Variants in ZFPM1 observed in about 807,000 individuals in gnomAD.
ZFPM1 encodes the protein zinc finger protein, FOG family member 1, also known as zinc finger protein ZFPM1.
ZFPM1 carries 28 observed loss-of-function variants against 46.3 expected under a neutral mutation model. The observed-to-expected ratio is 0.60, with a 90% CI of 0.45 to 0.83. The LOEUF (loss-of-function observed/expected upper bound fraction) is 0.83, where lower values mean the gene tolerates loss of function less well. ZFPM1 is among the 40% of genes least tolerant of loss of function. The probability of loss-of-function intolerance (pLI) is 0.00; values close to 1 mark genes in which losing one functional copy is unlikely to be tolerated. For missense variants in ZFPM1, 1,878 were observed against 1,432.4 expected (o/e 1.31, Z -5.02); for synonymous variants, 957 against 675.9 (o/e 1.42, Z -6.45).
At chr16:88,523,905 A>C (rs1912101626) in intron 4 of ZFPM1, among the ~76,000 whole-genome samples, 1 of 151,986 alleles carries the variant, frequency 6.6e-6, no homozygotes, top group Non-Finnish European at 1.5e-5. Flanking sequence ...CGCGGGGTGC[A>C]CTCGGCGGGG....
intron 2 of ZFPM1, among the ~76,000 whole-genome samples, chr16:88,487,767 A>G (rs1036647188): frequency 6.6e-6 from 1 of 151,872 alleles, no homozygotes; most frequent in Non-Finnish European, 1.5e-5. Flanking sequence ...TTTTTCTGGC[A>G]GGCAGCAGGC....
At chr16:88,502,373 G>A (rs149965503) in intron 3 of ZFPM1, among the ~76,000 whole-genome samples, 137 of 152,074 alleles carry the variant, frequency 9.0e-4, no homozygotes, top group African/African-American at 2.9e-3. Flanking sequence ...GGGCCCGGGC[G>A]CCGGGCACTC....
chr16:88,500,330 G>C (rs554379494), intron 3 of ZFPM1, among the ~76,000 whole-genome samples: 1 of 152,246 alleles, frequency 6.6e-6, no homozygotes, highest in South Asian at 2.1e-4. Context: ...TGGTGGCCTC[G>C]TCAGGAAGAC....
At chr16:88,499,779 G>A (rs1039442688) in intron 3 of ZFPM1, among the ~76,000 whole-genome samples, 1 of 152,186 alleles carries the variant, frequency 6.6e-6, no homozygotes, top group Non-Finnish European at 1.5e-5. Flanking sequence ...GGGGCCGAGT[G>A]GGCACAGAGC....
chr16:88,514,643 G>C (rs1911180800), intron 4 of ZFPM1, 123 bp downstream of exon 4: 1 of 1,293,490 alleles, frequency 7.7e-7, no homozygotes, highest in Non-Finnish European at 1.0e-6. Flanking sequence ...GTGGGCCTGA[G>C]ATATTGGGAC....
chr16:88,534,356 A>T lies in ZFPM1; in HGVS notation c.2398A>T (p.Lys800Ter). ...AADGPIDLSK[K>*]PRRPLPGAPA... ...CGACGGCCCCATCGACCTGAGCAAGAAGCCGCGGCGCCCGCTCCCCGGAGC... is the reference window on the plus strand; with the variant it reads ...CGACGGCCCCATCGACCTGAGCAAGTAGCCGCGGCGCCCGCTCCCCGGAGC... The change falls in exon 10 of 10, where the codon AAG (lysine) becomes TAG (stop). Residue 800 changes from lysine to a stop codon, truncating the protein, a stop_gained. Transcript: ENST00000319555. LOFTEE classifies it low-confidence loss of function (END_TRUNC). 1 of 1,420,504 alleles carries T rather than the reference A, an allele frequency of 7.0e-7. No individual in the cohort carries two copies. The highest frequency in any genetic ancestry group is 9.2e-7 in the Non-Finnish European group (1 of 1,090,568). 88.0% of individuals were successfully genotyped at this position (1,420,504 alleles called of 1,614,324 possible).
Position 88,533,674 on chromosome 16 carries a change from G to T in ZFPM1, c.1716G>T (p.Gly572=). The change falls in exon 10 of 10, where the codon GGG becomes GGT. Residue 572 remains glycine, a synonymous_variant. Coordinates refer to ENST00000319555, the MANE Select transcript of ZFPM1 (RefSeq NM_153813.3). Reference sequence around the variant, plus strand: ...GCGCGCAGACCGGGCTCTTCCCCGGGGCCCCCAAGGGCGCTACGTGCTTCG... The same window carrying T: ...GCGCGCAGACCGGGCTCTTCCCCGGTGCCCCCAAGGGCGCTACGTGCTTCG... ...AGGAQTGLFP[G]APKGATCFEC... The T allele has an allele frequency of 6.7e-7, 1 of 1,488,754 alleles. No homozygotes were observed. Among genetic ancestry groups the T allele is most frequent in the Non-Finnish European group, 9.0e-7 (1 of 1,115,184 alleles). 92.2% of individuals were successfully genotyped at this position (1,488,754 alleles called of 1,614,324 possible). A position where few individuals can be genotyped will look rare whatever the true frequency, so the allele number is the denominator to read the frequency against.
chr16:88,501,325 A>G (rs368063643), intron 3 of ZFPM1, among the ~76,000 whole-genome samples: 38 of 74,756 alleles, frequency 5.1e-4, no homozygotes, highest in African/African-American at 6.8e-4. Flanking sequence ...GAGATAGCAG[A>G]CATGGGTGCG....
In ZFPM1 at chr16:88,534,073, C is replaced by A; in HGVS notation, c.2115C>A (p.Tyr705Ter). 8.0e-7 allele frequency: 1 copy of A among 1,245,308 alleles called. No individual in the cohort carries two copies. The highest frequency in any genetic ancestry group is 1.0e-6 in the Non-Finnish European group (1 of 971,536). The allele number at this position is 1,245,308 out of a possible 1,614,324, so 77.1% of individuals were successfully genotyped here. Residue 705 changes from tyrosine to a stop codon, truncating the protein, a stop_gained, in exon 10 of 10, where the codon TAC (tyrosine) becomes TAA (stop). Transcript: ENST00000319555. LOFTEE classifies it low-confidence loss of function (END_TRUNC). ...HETYTVHKRY[Y>*]CASRHDPPPR... ...CCTACACCGTGCACAAGCGGTACTACTGCGCCTCGCGCCACGACCCGCCGC... is the reference window on the plus strand; with the variant it reads ...CCTACACCGTGCACAAGCGGTACTAATGCGCCTCGCGCCACGACCCGCCGC...
Position 88,531,284 on chromosome 16 carries a change from C to T in ZFPM1, c.713-718C>T, listed in dbSNP as rs768764699. On this transcript the variant is annotated intron_variant, in intron 6 of 9. Coordinates refer to ENST00000319555, the MANE Select transcript of ZFPM1 (RefSeq NM_153813.3). ...TTCCTTAAACTGCTATAAAGACAAA[C>T]CGAGAACACGCTAGAGAAGTCCTCC... 4.7e-4 allele frequency among the ~76,000 whole-genome samples: 71 copies of T among 152,320 alleles called. 1 individual carries two copies. Among genetic ancestry groups the T allele is most frequent in the Admixed American group, 3.4e-3 (52 of 15,304 alleles).
intron 1 of ZFPM1, among the ~76,000 whole-genome samples, chr16:88,464,731 C>G (rs893391347): frequency 1.3e-5 from 2 of 152,380 alleles, no homozygotes; most frequent in South Asian, 2.1e-4. Context: ...TCTCCTGGTC[C>G]GGGCCTCTGG....
chr16:88,466,353 C>A (rs1032750687), intron 1 of ZFPM1, among the ~76,000 whole-genome samples: 1 of 152,170 alleles, frequency 6.6e-6, no homozygotes, highest in East Asian at 1.9e-4. Flanking sequence ...GAAGGCTCAG[C>A]GAGGTTGAGT....
Position 88,453,674 on chromosome 16 carries a change from C to A in ZFPM1, c.36C>A (p.Ile12=). The A allele has an allele frequency of 1.7e-6, 2 of 1,202,242 alleles. No individual in the cohort carries two copies. Among genetic ancestry groups the A allele is most frequent in the East Asian group, 6.5e-5 (1 of 15,418 alleles). 74.5% of individuals were successfully genotyped at this position (1,202,242 alleles called of 1,614,324 possible). A position where few individuals can be genotyped will look rare whatever the true frequency, so the allele number is the denominator to read the frequency against. ...SRRKQSNPRQ[I]KRSLGDMEAR... ...GGAAACAGAGCAACCCCCGGCAGATCAAGCGTGAGTCAAACTTTGCCCGCG... is the reference window on the plus strand; with the variant it reads ...GGAAACAGAGCAACCCCCGGCAGATAAAGCGTGAGTCAAACTTTGCCCGCG... The change falls in exon 1 of 10, where the codon ATC becomes ATA. Residue 12 remains isoleucine, a synonymous_variant. Transcript: ENST00000319555.
chr16:88,502,043 C>T (rs899845248), intron 3 of ZFPM1, among the ~76,000 whole-genome samples: 7 of 143,184 alleles, frequency 4.9e-5, no homozygotes, highest in South Asian at 2.2e-4. Flanking sequence ...CCACCCCCGA[C>T]GCGGCTCCAC....
rs1342102048 is a variant in ZFPM1 at position 88,534,695 on chromosome 16, G to T, written c.2737G>T (p.Gly913Trp). 1.1e-5 allele frequency: 11 copies of T among 971,510 alleles called. No homozygotes were observed. Among genetic ancestry groups the T allele is most frequent in the Non-Finnish European group, 1.2e-5 (10 of 825,494 alleles). 60.2% of individuals were successfully genotyped at this position (971,510 alleles called of 1,614,324 possible). A position where few individuals can be genotyped will look rare whatever the true frequency, so the allele number is the denominator to read the frequency against. The part of the protein sequence containing the change: ...APAPAASPQP[G>W]SRGPRDGLGP... ...CGCCCCCGCCGCCTCCCCGCAGCCCGGGTCCCGTGGCCCCCGGGACGGCCT... is the reference window on the plus strand; with the variant it reads ...CGCCCCCGCCGCCTCCCCGCAGCCCTGGTCCCGTGGCCCCCGGGACGGCCT... The change falls in exon 10 of 10, where the codon GGG becomes TGG. Residue 913 changes from glycine (G) to tryptophan (W), a missense_variant. Transcript: ENST00000319555.
In ZFPM1 at chr16:88,532,811, C is replaced by T; in HGVS notation, c.1065C>T (p.Phe355=). 2 of 1,613,332 alleles carry T rather than the reference C, an allele frequency of 1.2e-6. No individual in the cohort carries two copies. The highest frequency in any genetic ancestry group is 1.7e-6 in the Non-Finnish European group (2 of 1,179,956). The change falls in exon 9 of 10, where the codon TTC becomes TTT. Residue 355 remains phenylalanine (F), a synonymous_variant. Transcript: ENST00000319555. The stretch of plus-strand genomic sequence containing the variant: ...CAGGTGTCTGCCACAGCTGTGGCTT[C>T]ATCTCCACCACAAGGGACATCCTCT... The part of the protein sequence containing the change: ...TLSGVCHSCG[F]ISTTRDILYS...
At position 88,503,013 on chromosome 16, in the gene ZFPM1, C is replaced by T. The variant is rs776231773; in HGVS notation, c.269-11374C>T. On this transcript the variant is annotated intron_variant, in intron 3 of 9. Transcript: ENST00000319555. ...CCCCTCAGGGCTGGAAGGCTGTGTG[C>T]GGTCTCTTCGGCAGGTGGGAGGTGG... is the stretch of plus-strand genomic sequence containing the variant. Among the ~76,000 whole-genome samples the T allele has an allele frequency of 4.8e-4, 73 of 152,260 alleles. 1 individual carries two copies. The highest frequency in any genetic ancestry group is 1.0e-4 in the Non-Finnish European group (7 of 68,048).
intron 3 of ZFPM1, among the ~76,000 whole-genome samples, chr16:88,501,067 C>CAGACATG (rs1910228932): frequency 3.3e-5 from 5 of 149,992 alleles, no homozygotes; most frequent in Non-Finnish European, 6.0e-5. Context: ...ATGGAGGTAG[C>CAGACATG]GGTCATGGAT....
chr16:88,461,823 A>G (rs4316741), intron 1 of ZFPM1, among the ~76,000 whole-genome samples: 54,922 of 152,012 alleles, frequency 0.36, 10,370 homozygotes, highest in East Asian at 0.49. Context: ...CGGAGATCTG[A>G]CCCACTGCTA....
Sources: allele counts gnomAD v4.1 joint callset (sites outside exome capture counted in the v4.1 genomes callset), GRCh38; gene constraint gnomAD v4.1.1; transcripts MANE v1.5; gene names NCBI Gene and HGNC (gene_info 2026-07-23, HGNC 2026-07-21).